The following HSD17B12 variants were observed in gnomAD, a reference collection of about 807,000 sequenced individuals.
The protein encoded by HSD17B12 is hydroxysteroid 17-beta dehydrogenase 12.
In HSD17B12, 32 loss-of-function variants were observed where a neutral mutation model predicts 39.3. The ratio of observed to expected loss-of-function variants is 0.81; its 90% CI spans 0.61 to 1.09. HSD17B12 has a LOEUF of 1.09. HSD17B12 is among the 50% of genes least tolerant of loss of function. The pLI, the probability that HSD17B12 is intolerant of heterozygous loss-of-function variation, is 0.00. For missense variants in HSD17B12, 342 were observed against 382.9 expected (o/e 0.89, Z 0.89); for synonymous variants, 150 against 146.7 (o/e 1.02, Z -0.16).
At chr11:43,654,833 A>G in the HSD17B12 span, among the ~76,000 whole-genome samples, 2 of 151,856 alleles carry the variant, frequency 1.3e-5, no homozygotes, top group Non-Finnish European at 1.5e-5. Flanking sequence ...GTAGCATGAT[A>G]CCTCCAGCTT....
At chr11:43,814,336 A>T (rs2135076755) in intron 4 of HSD17B12, among the ~76,000 whole-genome samples, 1 of 152,252 alleles carries the variant, frequency 6.6e-6, no homozygotes, top group Admixed American at 6.5e-5. Context: ...AATATGTAAG[A>T]GGAAAATAAT....
chr11:43,839,922 ATT>A (rs1210138211), intron 8 of HSD17B12, 75 bp from the exon 9 acceptor site: 5 of 1,148,920 alleles, frequency 4.4e-6, no homozygotes, highest in Non-Finnish European at 6.5e-6. Flanking sequence ...TTAGTTTATT[ATT>A]TTGTTTCCAT....
the HSD17B12 span, among the ~76,000 whole-genome samples, chr11:43,671,461 A>G: frequency 6.6e-6 from 1 of 152,248 alleles, no homozygotes. Context: ...GATTACAGGC[A>G]TGAGCCATCG....
chr11:43,644,474 C>T, the HSD17B12 span: 1 of 152,540 alleles, frequency 6.6e-6, no homozygotes, highest in Non-Finnish European at 1.5e-5. Context: ...GGGTTCCCAG[C>T]CGGCCGGACC....
At chr11:43,615,071 T>C in the HSD17B12 span, among the ~76,000 whole-genome samples, 1 of 152,334 alleles carries the variant, frequency 6.6e-6, no homozygotes, top group African/African-American at 2.4e-5. Flanking sequence ...AGACTGGATT[T>C]ATTTGTCTTC....
rs1951567345 is a variant in HSD17B12 at position 43,854,847 on chromosome 11, C to A, written c.817C>A (p.Leu273Met). ...VGLQSRTNGYLIHALMGSIIS... is the reference protein window; with the variant it reads ...VGLQSRTNGYMIHALMGSIIS... ...CCTGCAATCCCGAACCAATGGATAC[C>A]TGATCCATGCTCTTATGGTAGGTAG... The change falls in exon 10 of 11, where the codon CTG becomes ATG. Residue 273 changes from leucine to methionine, a missense_variant. Physicochemically the swap from Leu to Met is conservative, Grantham distance 15. Transcript: ENST00000278353. The A allele has an allele frequency of 1.4e-5, 23 of 1,613,998 alleles. No individual in the cohort carries two copies. Among genetic ancestry groups the A allele is most frequent in the Non-Finnish European group, 1.9e-5 (23 of 1,179,982 alleles).
the HSD17B12 span, among the ~76,000 whole-genome samples, chr11:43,601,554 C>A: frequency 6.7e-6 from 1 of 149,756 alleles, no homozygotes; most frequent in Non-Finnish European, 1.5e-5. Flanking sequence ...AAGAAGGACT[C>A]ACCTGAGAGC....
chr11:43,741,986 G>A (rs1021821445), intron 1 of HSD17B12, among the ~76,000 whole-genome samples: 3 of 149,664 alleles, frequency 2.0e-5, no homozygotes, highest in Non-Finnish European at 3.0e-5. Context: ...TGCCTGCCTC[G>A]GCCTCCCAAA....
chr11:43,716,751 A>G (rs1299009624), intron 1 of HSD17B12, among the ~76,000 whole-genome samples: 1 of 147,870 alleles, frequency 6.8e-6, no homozygotes, highest in African/African-American at 2.5e-5. Flanking sequence ...ACATATATAT[A>G]TATATAAAAT....
At chr11:43,822,033 A>T (rs759076880) in intron 6 of HSD17B12, among the ~76,000 whole-genome samples, 7 of 152,170 alleles carry the variant, frequency 4.6e-5, no homozygotes, top group Non-Finnish European at 1.0e-4. Flanking sequence ...CTGCTGCTGC[A>T]CTTAGTGAAT....
At chr11:43,628,486 G>A in the HSD17B12 span, among the ~76,000 whole-genome samples, 45 of 152,154 alleles carry the variant, frequency 3.0e-4, 1 homozygote, top group South Asian at 8.7e-3. Context: ...TAAAAACATT[G>A]TGTACTAATA....
the HSD17B12 span, among the ~76,000 whole-genome samples, chr11:43,636,329 G>A: frequency 6.6e-6 from 1 of 152,124 alleles, no homozygotes; most frequent in Non-Finnish European, 1.5e-5. Context: ...TTGATTTACT[G>A]GTAGCAAAGC....
At chr11:43,821,065 A>G (rs1275031285) in intron 6 of HSD17B12, among the ~76,000 whole-genome samples, 1 of 152,236 alleles carries the variant, frequency 6.6e-6, no homozygotes, top group Non-Finnish European at 1.5e-5. Flanking sequence ...AATATTGGGG[A>G]AGAAATATTA....
At chr11:43,737,882 G>A (rs1950330509) in intron 1 of HSD17B12, among the ~76,000 whole-genome samples, 2 of 152,008 alleles carry the variant, frequency 1.3e-5, no homozygotes, top group Non-Finnish European at 2.9e-5. Flanking sequence ...GACCATCCTG[G>A]CTAACACGGT....
chr11:43,573,354 T>C, the HSD17B12 span, among the ~76,000 whole-genome samples: 4 of 152,186 alleles, frequency 2.6e-5, no homozygotes, highest in African/African-American at 4.8e-5. Flanking sequence ...ATGCTAGCTA[T>C]GGAGGTCTAA....
chr11:43,806,958 TTAAAAA>T (rs1038305622), intron 4 of HSD17B12, among the ~76,000 whole-genome samples: 21 of 152,168 alleles, frequency 1.4e-4, no homozygotes, highest in Non-Finnish European at 2.9e-5. Context: ...TGTATCAGTT[TTAAAAA>T]TAAAAACACA....
chr11:43,684,661 A>T (rs1466523057), intron 1 of HSD17B12, among the ~76,000 whole-genome samples: 1 of 152,240 alleles, frequency 6.6e-6, no homozygotes, highest in African/African-American at 2.4e-5. Context: ...TGATCCACTA[A>T]TCAGTTAGTG....
At chr11:43,754,470 G>A (rs1950492436) in intron 3 of HSD17B12, among the ~76,000 whole-genome samples, 1 of 152,168 alleles carries the variant, frequency 6.6e-6, no homozygotes. Context: ...CAGCTACTCA[G>A]GAGGCTGAGG....
At chr11:43,563,226 C>T in the HSD17B12 span, among the ~76,000 whole-genome samples, 1 of 152,156 alleles carries the variant, frequency 6.6e-6, no homozygotes, top group African/African-American at 2.4e-5. Context: ...TCTCAGGATC[C>T]AGTGATAACT....
Sources: allele counts gnomAD v4.1 joint callset (sites outside exome capture counted in the v4.1 genomes callset), GRCh38; gene constraint gnomAD v4.1.1; transcripts MANE v1.5; gene names NCBI Gene and HGNC (gene_info 2026-07-23, HGNC 2026-07-21).